The following POGZ variants were observed in gnomAD, a reference collection of about 807,000 sequenced individuals.
POGZ encodes pogo transposable element derived with ZNF domain, also known as pogo transposable element with ZNF domain.
In POGZ, 17 loss-of-function variants were observed where a neutral mutation model predicts 134.6. That is an observed-to-expected ratio of 0.13 (90% CI 0.09 to 0.19). The LOEUF (loss-of-function observed/expected upper bound fraction) is 0.19. Ranked by LOEUF, POGZ falls within the 10% of genes least tolerant of loss-of-function variation. The pLI, the probability that POGZ is intolerant of heterozygous loss-of-function variation, is 1.00. For missense variants in POGZ, 1,306 were observed against 1,769.7 expected (o/e 0.74, Z 4.70); for synonymous variants, 693 against 657.1 (o/e 1.05, Z -0.84).
chr1:151,451,586 A>G (rs750753381), intron 1 of POGZ, among the ~76,000 whole-genome samples: 14 of 151,728 alleles, frequency 9.2e-5, no homozygotes, highest in Non-Finnish European at 1.9e-4. Flanking sequence ...TCAGTCTCCC[A>G]AAGTGCTGGG....
Position 151,430,820 on chromosome 1 carries a change from T to G in POGZ, c.305A>C (p.Gln102Pro), listed in dbSNP as rs372617697. ...GGTCAGGATGAGTGGCTGTCCACCT[T>G]GCTGGACCAAAGGATTGCCAGCTAA... ...NNNAGNPLVQQGGQPLILTQN... is the reference protein window; with the variant it reads ...NNNAGNPLVQPGGQPLILTQN... The change falls in exon 4 of 19, where the codon CAA becomes CCA. Residue 102 changes from glutamine to proline, a missense_variant. Transcript: ENST00000271715. 1 of 1,573,822 alleles carries G rather than the reference T, an allele frequency of 6.4e-7. No individual in the cohort carries two copies.
At chr1:151,441,903 G>A (rs922122955) in intron 2 of POGZ, among the ~76,000 whole-genome samples, 178 bp downstream of exon 2, 11 of 152,122 alleles carry the variant, frequency 7.2e-5, no homozygotes, top group African/African-American at 2.7e-4. Flanking sequence ...CTAGCTATAT[G>A]GATGAGGAAA....
At chr1:151,418,916 T>C (rs957316689) in intron 10 of POGZ, among the ~76,000 whole-genome samples, 3 of 148,332 alleles carry the variant, frequency 2.0e-5, no homozygotes, top group African/African-American at 7.5e-5. Context: ...TCCCAGCTAC[T>C]TGGGAAGCTG....
rs1653601362 is a variant in POGZ at position 151,406,344 on chromosome 1, A to G, written c.2691T>C (p.Pro897=). The G allele has an allele frequency of 1.2e-6, 2 of 1,604,606 alleles. No homozygotes were observed. The highest frequency in any genetic ancestry group is 1.7e-6 in the Non-Finnish European group (2 of 1,175,386). Residue 897 remains proline (P), a synonymous_variant, in exon 19 of 19, where the codon CCT becomes CCC. Coordinates refer to ENST00000271715, the MANE Select transcript of POGZ (RefSeq NM_015100.4). ...VKSAGATPAE[P]EELLTPLAPA... ...GGGCTAAGGGAGTTAGTAGCTCTTC[A>G]GGCTCAGCTGGGGTGGCCCCCGCAG... is the stretch of plus-strand genomic sequence containing the variant.
rs1660627563 is a variant in POGZ, at chr1:151,442,100, T to C, written c.105A>G (p.Ser35=). The C allele has an allele frequency of 6.2e-7, 1 of 1,604,068 alleles. No homozygotes were observed. Among genetic ancestry groups the C allele is most frequent in the Non-Finnish European group, 8.5e-7 (1 of 1,171,284 alleles). ...IEDSVVEDYN[S]VDKTTTVSVS... is the part of the protein sequence containing the mutation. ...TGTTACCTGTGGTAGTTTTATCCAC[T>C]GAATTATAATCTTCAACTACAGAGT... Residue 35 remains serine, a synonymous_variant, in exon 2 of 19, where the codon TCA becomes TCG. Transcript: ENST00000271715.
At position 151,428,461 on chromosome 1, in the gene POGZ, A is replaced by G. The variant is rs765837528; in HGVS notation, c.569-48T>C. 3.9e-6 allele frequency: 6 copies of G among 1,543,692 alleles called. No individual in the cohort carries two copies. The East Asian group carries it at 6.7e-5, about 17-fold the overall frequency. Reference sequence around the variant, plus strand: ...CAGATCTTGGTCAGTGAGCTCACCTATAACACATTCTCCCTGCCTTTACTG... The same window carrying G: ...CAGATCTTGGTCAGTGAGCTCACCTGTAACACATTCTCCCTGCCTTTACTG... On this transcript the variant is annotated intron_variant, in intron 5 of 18. Transcript: ENST00000271715.
chr1:151,416,626 T>G (rs1254667606), intron 10 of POGZ, among the ~76,000 whole-genome samples: 3 of 19,682 alleles, frequency 1.5e-4, no homozygotes, highest in Non-Finnish European at 4.8e-4. Context: ...ACTTTTTGGG[T>G]TTTTTTTTTT....
At chr1:151,424,526 T>C (rs1657453611) in intron 8 of POGZ, 1 of 381,666 alleles carries the variant, frequency 2.6e-6, no homozygotes, top group East Asian at 4.1e-5. Flanking sequence ...CCTTAATCAT[T>C]AGTATAACTT....
chr1:151,432,271 C>A (rs1204301499), intron 3 of POGZ, among the ~76,000 whole-genome samples: 1 of 152,102 alleles, frequency 6.6e-6, no homozygotes, highest in South Asian at 2.1e-4. Context: ...GGGATGGGCC[C>A]CTCTGAAATG....
intron 3 of POGZ, among the ~76,000 whole-genome samples, chr1:151,438,454 G>T (rs1659987519): frequency 6.6e-6 from 1 of 151,834 alleles, no homozygotes; most frequent in African/African-American, 2.4e-5. Flanking sequence ...AATATTAGAG[G>T]CTTTTGAAGT....
At chr1:151,458,662 C>T (rs1236418308) in intron 1 of POGZ, among the ~76,000 whole-genome samples, 1 of 145,786 alleles carries the variant, frequency 6.9e-6, no homozygotes, top group Non-Finnish European at 1.5e-5. Flanking sequence ...TCCCGCCGCG[C>T]CCCGCCGTCT....
At chr1:151,452,020 C>T (rs1026758632) in intron 1 of POGZ, among the ~76,000 whole-genome samples, 28 of 150,292 alleles carry the variant, frequency 1.9e-4, no homozygotes, top group African/African-American at 6.8e-4. Flanking sequence ...TTGCTTGAAC[C>T]CGGGAGGTGG....
intron 1 of POGZ, among the ~76,000 whole-genome samples, chr1:151,443,055 T>C (rs1660779254): frequency 2.6e-5 from 4 of 152,066 alleles, no homozygotes; most frequent in Admixed American, 2.0e-4. Context: ...AAAAGTTTAA[T>C]GTGTAATACC....
At chr1:151,415,403 C>T (rs943438685) in intron 10 of POGZ, among the ~76,000 whole-genome samples, 9 of 151,922 alleles carry the variant, frequency 5.9e-5, no homozygotes, top group Non-Finnish European at 8.8e-5. Context: ...TGGTGGCTCA[C>T]GCCTGTAATC....
rs1012705116 is a variant in POGZ, at chr1:151,418,667, A to G, written c.1678+4730T>C. Among the ~76,000 whole-genome samples, 17 of 152,224 alleles carry G rather than the reference A, an allele frequency of 1.1e-4. 1 individual carries two copies. The highest frequency in any genetic ancestry group is 4.1e-4 in the African/African-American group (17 of 41,452). On this transcript the variant is annotated intron_variant, in intron 10 of 18. Transcript: ENST00000271715. ...ATATTTACAGATTATATAAATGTAT[A>G]TTAGATTATCACATGCATCCCTAAA... is the stretch of plus-strand genomic sequence containing the variant.
chr1:151,406,199 C>T lies in POGZ; in HGVS notation c.2836G>A (p.Asp946Asn), dbSNP rs543154212. The T allele has an allele frequency of 6.2e-7, 1 of 1,614,184 alleles. No individual in the cohort carries two copies. Among genetic ancestry groups the T allele is most frequent in the South Asian group, 1.1e-5 (1 of 91,082 alleles). ...TCTTGGGTGACTGGGCTCCCTTCAT[C>T]CTGATCATCAACATTCAGACATTCG... is the stretch of plus-strand genomic sequence containing the variant. ...GAECLNVDDQ[D>N]EGSPVTQEPE... The change falls in exon 19 of 19, where the codon GAT becomes AAT. Residue 946 changes from aspartate (D) to asparagine (N), a missense_variant. Physicochemically the swap from Asp to Asn is conservative, Grantham distance 23. Around this residue, in one of 10 missense-constraint regions of POGZ, gnomAD observed 214 missense variants for 255.5 expected, o/e 0.84. Transcript: ENST00000271715.
Position 151,430,689 on chromosome 1 carries a change from G to T in POGZ, c.436C>A (p.Gln146Lys), listed in dbSNP as rs771612415. 1 of 1,609,018 alleles carries T rather than the reference G, an allele frequency of 6.2e-7. No individual in the cohort carries two copies. The highest frequency in any genetic ancestry group is 8.5e-7 in the Non-Finnish European group (1 of 1,177,654). Reference protein sequence around the residue: ...NHVTSSPVASQPIFITTQGFP... With the variant: ...NHVTSSPVASKPIFITTQGFP... ...ACCTGCGTAGTGATAAATATTGGTT[G>T]TGAGGCCACAGGGGAACTAGTCACA... The change falls in exon 4 of 19, where the codon CAA becomes AAA. Residue 146 changes from glutamine (Q) to lysine (K), a missense_variant. Transcript: ENST00000271715.
chr1:151,451,878 C>T (rs1662132149), intron 1 of POGZ, among the ~76,000 whole-genome samples: 1 of 151,344 alleles, frequency 6.6e-6, no homozygotes, highest in South Asian at 2.1e-4. Flanking sequence ...AGGTGGATCA[C>T]CTCAGATCAG....
chr1:151,423,975 A>G lies in POGZ; in HGVS notation c.1497T>C (p.Cys499=). The G allele has an allele frequency of 6.2e-7, 1 of 1,614,086 alleles. No homozygotes were observed. The highest frequency in any genetic ancestry group is 8.5e-7 in the Non-Finnish European group (1 of 1,179,944). The part of the protein sequence containing the change: ...KVATSFRCPH[C]TKRLKNNIRF... ...GAATATTGTTTTTTAGCCTTTTGGT[A>G]CAATGTGGGCATCGGAAAGATGTGG... The change falls in exon 9 of 19, where the codon TGT becomes TGC. Residue 499 remains cysteine, a synonymous_variant. Transcript: ENST00000271715.
Sources: allele counts gnomAD v4.1 joint callset (sites outside exome capture counted in the v4.1 genomes callset), GRCh38; gene constraint gnomAD v4.1.1; regional missense constraint gnomAD v4.1.1; transcripts MANE v1.5; gene names NCBI Gene and HGNC (gene_info 2026-07-23, HGNC 2026-07-21).